The following KCNN2 variants were observed in gnomAD, a reference collection of about 807,000 sequenced individuals.
KCNN2 encodes the protein small conductance calcium-activated potassium channel protein 2.
In KCNN2, 24 loss-of-function variants were observed where a neutral mutation model predicts 55.5. The ratio of observed to expected loss-of-function variants is 0.43; its 90% CI spans 0.31 to 0.61. The LOEUF is 0.61. Ranked by LOEUF, KCNN2 falls within the 20% of genes least tolerant of loss-of-function variation. The pLI is 0.08. For missense variants in KCNN2, 754 were observed against 853.6 expected, an observed-to-expected ratio of 0.88 and a Z score of 1.45; for synonymous variants, 431 against 336.1, an observed-to-expected ratio of 1.28 and a Z score of -3.09.
At chr5:114,290,229 C>G (rs1469487598) in intron 2 of KCNN2, among the ~76,000 whole-genome samples, 1 of 152,020 alleles carries the variant, frequency 6.6e-6, no homozygotes. Flanking sequence ...AAATCTGGTG[C>G]TGGACTTTTC....
chr5:114,238,487 G>A (rs955770072), intron 2 of KCNN2, among the ~76,000 whole-genome samples: 5 of 151,998 alleles, frequency 3.3e-5, no homozygotes, highest in African/African-American at 4.8e-5. Flanking sequence ...TTAGCTGGGC[G>A]TGGCAGCAGG....
chr5:114,142,564 A>T (rs181363866), intron 1 of KCNN2, among the ~76,000 whole-genome samples: 4 of 152,324 alleles, frequency 2.6e-5, no homozygotes, highest in South Asian at 2.1e-4. Flanking sequence ...AGGCATTCTT[A>T]TACACCAATA....
chr5:114,062,999 G>T (rs753804227), intron 1 of KCNN2, among the ~76,000 whole-genome samples: 2 of 152,140 alleles, frequency 1.3e-5, no homozygotes, highest in Non-Finnish European at 2.9e-5. Context: ...TCCAGTCAAA[G>T]ATAAAGCTTG....
chr5:114,116,078 A>T (rs1324205858), intron 1 of KCNN2, among the ~76,000 whole-genome samples: 1 of 152,130 alleles, frequency 6.6e-6, no homozygotes, highest in African/African-American at 2.4e-5. Context: ...CGAGCAGAAG[A>T]AATATGAGAT....
chr5:114,380,522 T>A (rs1758086952), intron 2 of KCNN2, among the ~76,000 whole-genome samples: 1 of 152,186 alleles, frequency 6.6e-6, no homozygotes, highest in South Asian at 2.1e-4. Flanking sequence ...TTTTAATAGG[T>A]GTGAGCTTCA....
At chr5:114,149,189 C>T (rs1254651110) in intron 1 of KCNN2, among the ~76,000 whole-genome samples, 5 of 151,940 alleles carry the variant, frequency 3.3e-5, no homozygotes, top group Admixed American at 6.6e-5. Context: ...TGTGATTGTC[C>T]CATAATAACC....
intron 2 of KCNN2, among the ~76,000 whole-genome samples, chr5:114,378,205 C>T (rs569806809): frequency 7.2e-4 from 109 of 152,304 alleles, no homozygotes; most frequent in African/African-American, 1.8e-3. Flanking sequence ...AACACAGCCA[C>T]GCCCACTTGT....
intron 2 of KCNN2, among the ~76,000 whole-genome samples, chr5:114,313,749 T>C (rs537918361): frequency 4.3e-4 from 66 of 152,280 alleles, no homozygotes; most frequent in African/African-American, 1.5e-3. Flanking sequence ...TCTCTTTAAC[T>C]CTGAAGACAG....
At chr5:114,337,074 C>G (rs904826581) in intron 2 of KCNN2, among the ~76,000 whole-genome samples, 2 of 151,938 alleles carry the variant, frequency 1.3e-5, no homozygotes, top group African/African-American at 4.8e-5. Context: ...TAGAGGTTGG[C>G]AGGAGTGGAA....
chr5:114,171,563 A>G (rs1753033409), intron 1 of KCNN2, among the ~76,000 whole-genome samples: 1 of 151,862 alleles, frequency 6.6e-6, no homozygotes, highest in East Asian at 1.9e-4. Context: ...TTTAGGACTT[A>G]TCGCTCTCCT....
chr5:114,155,051 C>G (rs1752601702), intron 1 of KCNN2, among the ~76,000 whole-genome samples: 1 of 152,042 alleles, frequency 6.6e-6, no homozygotes, highest in Admixed American at 6.6e-5. Flanking sequence ...TCTCCACCCT[C>G]AAATAGGCCC....
At chr5:114,275,731 T>C (rs1489967757) in intron 2 of KCNN2, among the ~76,000 whole-genome samples, 1 of 152,188 alleles carries the variant, frequency 6.6e-6, no homozygotes, top group African/African-American at 2.4e-5. Flanking sequence ...TTTTTCTTCT[T>C]TATTAGTCTT....
intron 1 of KCNN2, among the ~76,000 whole-genome samples, chr5:114,094,225 A>G (rs1302855592): frequency 6.9e-6 from 1 of 144,824 alleles, no homozygotes; most frequent in African/African-American, 2.6e-5. Context: ...GTTTTGTGAC[A>G]CTCTTTACCT....
At chr5:114,270,236 G>A (rs1221632510) in intron 2 of KCNN2, among the ~76,000 whole-genome samples, 1 of 152,146 alleles carries the variant, frequency 6.6e-6, no homozygotes, top group Non-Finnish European at 1.5e-5. Flanking sequence ...ATAAGTTCAG[G>A]CAAATTAGCC....
At position 114,249,290 on chromosome 5, in the gene KCNN2, C is replaced by CTT. The variant is rs202151944; in HGVS notation, c.-185+27732_-185+27733dup. On this transcript the variant is annotated intron_variant, in intron 2 of 10. Transcript: ENST00000512097. ...TTTCTTTTTCTTTCTTTCTTTCTTT[C>CTT]TTTTTTTTAATGAGAGGGAATCTGG... Among the ~76,000 whole-genome samples the CTT allele has an allele frequency of 4.4e-3, 468 of 106,872 alleles. 2 individuals carry two copies. The highest frequency in any genetic ancestry group is 0.015 in the African/African-American group (453 of 29,542). 70.1% of individuals were successfully genotyped at this position (106,872 alleles called of 152,430 possible).
intron 1 of KCNN2, among the ~76,000 whole-genome samples, chr5:114,220,073 C>T (rs537968653): frequency 6.6e-6 from 1 of 152,172 alleles, no homozygotes; most frequent in East Asian, 1.9e-4. Flanking sequence ...TTGGATTAGG[C>T]CTACAGGTCA....
intron 2 of KCNN2, among the ~76,000 whole-genome samples, chr5:114,378,356 G>A (rs933887228): frequency 1.2e-4 from 19 of 152,200 alleles, no homozygotes; most frequent in Admixed American, 1.1e-3. Context: ...AGTTAGAGAA[G>A]TGGATGGTCA....
At chr5:114,273,425 C>G (rs930683840) in intron 2 of KCNN2, among the ~76,000 whole-genome samples, 2 of 152,112 alleles carry the variant, frequency 1.3e-5, no homozygotes, top group Non-Finnish European at 2.9e-5. Flanking sequence ...GTTCTAAATC[C>G]TTGAGGAATT....
At chr5:114,070,136 C>G (rs1561462343) in intron 1 of KCNN2, among the ~76,000 whole-genome samples, 1 of 152,140 alleles carries the variant, frequency 6.6e-6, no homozygotes, top group Non-Finnish European at 1.5e-5. Flanking sequence ...TGCTTTTCCC[C>G]TATCTTGTCT....
Sources: allele counts gnomAD v4.1 joint callset (sites outside exome capture counted in the v4.1 genomes callset), GRCh38; gene constraint gnomAD v4.1.1; transcripts MANE v1.5; gene names NCBI Gene and HGNC (gene_info 2026-07-23, HGNC 2026-07-21).